SHISA9: variants seen among roughly 807,000 people sequenced by gnomAD.
SHISA9 encodes the protein protein shisa-9.
SHISA9 carries 13 observed loss-of-function variants against 38.0 expected under a neutral mutation model. That is an observed-to-expected ratio of 0.34 (90% CI 0.22 to 0.54). The LOEUF is 0.54. SHISA9 is among the 20% of genes least tolerant of loss of function. SHISA9 has a pLI of 0.91. For missense variants in SHISA9, 538 were observed against 575.8 expected (o/e 0.93, Z 0.67); for synonymous variants, 275 against 242.0 (o/e 1.14, Z -1.27).
intron 2 of SHISA9, among the ~76,000 whole-genome samples, chr16:13,175,474 A>AT (rs1384522879): frequency 9.9e-5 from 15 of 152,182 alleles, no homozygotes; most frequent in Non-Finnish European, 1.9e-4. Context: ...GACAAAAGTT[A>AT]TTTGCAGGCT....
At chr16:13,476,495 C>T in the SHISA9 span, among the ~76,000 whole-genome samples, 1 of 152,062 alleles carries the variant, frequency 6.6e-6, no homozygotes, top group Non-Finnish European at 1.5e-5. Context: ...TAGACTGAAC[C>T]CCTGGTGTTT....
At chr16:13,416,990 G>A in the SHISA9 span, among the ~76,000 whole-genome samples, 160 of 152,158 alleles carry the variant, frequency 1.1e-3, 2 homozygotes, top group Non-Finnish European at 4.0e-4. Context: ...AAAACAAAAT[G>A]TTTAAATAAA....
the SHISA9 span, among the ~76,000 whole-genome samples, chr16:13,254,744 G>T: frequency 6.6e-6 from 1 of 152,184 alleles, no homozygotes; most frequent in Non-Finnish European, 1.5e-5. Flanking sequence ...GGGCTTCCCA[G>T]TGAATCCTCA....
chr16:13,521,388 C>T, the SHISA9 span, among the ~76,000 whole-genome samples: 1 of 152,194 alleles, frequency 6.6e-6, no homozygotes, highest in Non-Finnish European at 1.5e-5. Flanking sequence ...ATACTTTATA[C>T]AGTACACATT....
the SHISA9 span, among the ~76,000 whole-genome samples, chr16:13,480,163 A>G: frequency 6.6e-6 from 1 of 152,136 alleles, no homozygotes; most frequent in South Asian, 2.1e-4. Flanking sequence ...ATTCTCTAAA[A>G]TACCTTAATT....
chr16:13,556,505 T>C, the SHISA9 span, among the ~76,000 whole-genome samples: 1 of 151,718 alleles, frequency 6.6e-6, no homozygotes. Context: ...CTAAACAAAA[T>C]ACAAAAAATT....
intron 2 of SHISA9, among the ~76,000 whole-genome samples, chr16:13,014,232 G>A (rs1299270604): frequency 6.6e-6 from 1 of 152,164 alleles, no homozygotes; most frequent in Non-Finnish European, 1.5e-5. Flanking sequence ...AAACCCAGAT[G>A]TGCCTGAATC....
chr16:13,263,611 C>A, the SHISA9 span, among the ~76,000 whole-genome samples: 1 of 152,138 alleles, frequency 6.6e-6, no homozygotes, highest in African/African-American at 2.4e-5. Context: ...GAATTGTGAG[C>A]CAATTAAACT....
At chr16:13,027,233 C>T (rs1433641140) in intron 2 of SHISA9, among the ~76,000 whole-genome samples, 2 of 152,194 alleles carry the variant, frequency 1.3e-5, no homozygotes, top group Non-Finnish European at 2.9e-5. Context: ...GGAGGATGGA[C>T]TCCATCAATA....
chr16:13,061,769 CA>C (rs1178544926), intron 2 of SHISA9, among the ~76,000 whole-genome samples: 1 of 152,090 alleles, frequency 6.6e-6, no homozygotes, highest in East Asian at 1.9e-4. Context: ...AAGAAACAAA[CA>C]AAAGGCCAAC....
intron 4 of SHISA9, among the ~76,000 whole-genome samples, chr16:13,215,348 C>G (rs549195460): frequency 6.6e-6 from 1 of 152,174 alleles, no homozygotes; most frequent in Non-Finnish European, 1.5e-5. Context: ...GGAAAGAGAG[C>G]TTTACATCAG....
the SHISA9 span, among the ~76,000 whole-genome samples, chr16:13,325,692 A>G: frequency 1.3e-5 from 2 of 152,148 alleles, no homozygotes; most frequent in East Asian, 1.9e-4. Context: ...CTAAGATGCA[A>G]TCCTTACGCC....
chr16:13,167,525 A>G (rs2050648292), intron 2 of SHISA9, among the ~76,000 whole-genome samples: 1 of 152,192 alleles, frequency 6.6e-6, no homozygotes, highest in African/African-American at 2.4e-5. Flanking sequence ...ATGTTCCATT[A>G]TAATCCCCAG....
the SHISA9 span, among the ~76,000 whole-genome samples, chr16:13,279,402 T>C: frequency 6.6e-6 from 1 of 151,990 alleles, no homozygotes; most frequent in African/African-American, 2.4e-5. Flanking sequence ...ATATCTGTTA[T>C]GTCCATTTGT....
the SHISA9 span, among the ~76,000 whole-genome samples, chr16:13,504,628 T>C: frequency 6.6e-6 from 1 of 152,168 alleles, no homozygotes; most frequent in South Asian, 2.1e-4. Flanking sequence ...ACCAGTAATA[T>C]AAAGGACTAA....
intron 2 of SHISA9, among the ~76,000 whole-genome samples, chr16:12,982,860 T>A (rs886433866): frequency 6.6e-6 from 1 of 152,220 alleles, no homozygotes; most frequent in African/African-American, 2.4e-5. Context: ...GAGGACATTA[T>A]AGGTAGCTGT....
chr16:13,408,935 A>G, the SHISA9 span, among the ~76,000 whole-genome samples: 1 of 152,198 alleles, frequency 6.6e-6, no homozygotes, highest in South Asian at 2.1e-4. Flanking sequence ...CTGGATACCC[A>G]TGGCCTTAAG....
intron 2 of SHISA9, among the ~76,000 whole-genome samples, chr16:12,959,276 C>T (rs1270657595): frequency 6.6e-6 from 1 of 152,206 alleles, no homozygotes; most frequent in Admixed American, 6.5e-5. Context: ...GGATATATGT[C>T]CAGCCTCTGC....
Position 13,203,427 on chromosome 16 carries a change from C to T in SHISA9, c.725C>T (p.Ser242Phe), listed in dbSNP as rs979765167. The change falls in exon 3 of 5, where the codon TCT becomes TTT. Residue 242 changes from serine to phenylalanine, a missense_variant. By Grantham distance (155) the Ser-to-Phe change is radical (BLOSUM62 -2). Around this residue, in one of 4 missense-constraint regions of SHISA9, gnomAD observed 326 missense variants for 305.9 expected, o/e 1.07. Coordinates refer to ENST00000558583, the MANE Select transcript of SHISA9 (RefSeq NM_001145204.3). ...ATQMNNAVPT[S>F]PLLQQMGHPH... The stretch of plus-strand genomic sequence containing the variant: ...CAGATGAACAACGCAGTGCCCACCT[C>T]TCCTCTGCTCCAGCAGATGGGCCAT... 9 of 1,549,134 alleles carry T rather than the reference C, an allele frequency of 5.8e-6. No individual in the cohort carries two copies. The East Asian group carries it at 2.2e-4, about 38-fold the overall frequency.
Sources: allele counts gnomAD v4.1 joint callset (sites outside exome capture counted in the v4.1 genomes callset), GRCh38; gene constraint gnomAD v4.1.1; regional missense constraint gnomAD v4.1.1; transcripts MANE v1.5; gene names NCBI Gene and HGNC (gene_info 2026-07-23, HGNC 2026-07-21).